The following NFIL3 variants were observed in gnomAD, a reference collection of about 807,000 sequenced individuals.
NFIL3 encodes nuclear factor interleukin-3-regulated protein.
A neutral mutation model predicts 10.0 loss-of-function variants in NFIL3; 5 were observed. The observed-to-expected ratio is 0.50, with a 90% CI of 0.26 to 1.06. The LOEUF (loss-of-function observed/expected upper bound fraction) is 1.06. Among genes scored for constraint, NFIL3 ranks in the 50% least tolerant of loss-of-function variants. The pLI, the probability that NFIL3 is intolerant of heterozygous loss-of-function variation, is 0.13. For synonymous variants in NFIL3, 202 were observed against 206.5 expected, an observed-to-expected ratio of 0.98 and a Z score of 0.19; for missense variants, 436 against 547.6, an observed-to-expected ratio of 0.80 and a Z score of 2.03.
At chr9:91,427,510 T>C (rs1833883972), upstream of NFIL3, among the ~76,000 whole-genome samples, 1 of 152,232 alleles carries the variant, frequency 6.6e-6, no homozygotes, top group Non-Finnish European at 1.5e-5. Context: ...GGCTCCTGTG[T>C]GCCAGGACCA....
chr9:91,430,672 G>A, the NFIL3 span, among the ~76,000 whole-genome samples: 121 of 152,182 alleles, frequency 8.0e-4, no homozygotes, highest in African/African-American at 2.8e-3. Flanking sequence ...TTGGTACAGG[G>A]TCTTGCTCTG....
chr9:91,471,177 G>A, the NFIL3 span, among the ~76,000 whole-genome samples: 1 of 152,134 alleles, frequency 6.6e-6, no homozygotes, highest in Non-Finnish European at 1.5e-5. Context: ...CGGTCTCTAA[G>A]GACTTGCCTT....
the NFIL3 span, among the ~76,000 whole-genome samples, chr9:91,478,185 A>C: frequency 6.6e-6 from 1 of 151,982 alleles, no homozygotes; most frequent in African/African-American, 2.4e-5. Flanking sequence ...CCTGAATCTG[A>C]ATGTTGGCCT....
intron 1 of NFIL3, among the ~76,000 whole-genome samples, chr9:91,412,627 T>C (rs1166227183): frequency 6.6e-6 from 1 of 152,258 alleles, no homozygotes; most frequent in East Asian, 1.9e-4. Context: ...GCGGATCACC[T>C]GAGGTCAGGA....
In NFIL3 at chr9:91,409,377, G is replaced by T; in HGVS notation, c.1358C>A (p.Thr453Lys). The change falls in exon 2 of 2, where the codon ACA (threonine) becomes AAA (lysine). Residue 453 changes from threonine (T) to lysine (K), a missense_variant. Physicochemically the swap from Thr to Lys is moderately conservative, Grantham distance 78. Coordinates refer to ENST00000297689, the MANE Select transcript of NFIL3 (RefSeq NM_005384.3). The part of the protein sequence containing the change: ...EVVSLKRLIA[T>K]QPISASDSG The stretch of plus-strand genomic sequence containing the variant: ...AGAGTCTGAAGCAGAGATTGGTTGT[G>T]TGGCTATAAGTCTCTTGAGTGAGAC... 6.3e-7 allele frequency: 1 copy of T among 1,589,706 alleles called. No individual in the cohort carries two copies. Among genetic ancestry groups the T allele is most frequent in the Non-Finnish European group, 8.6e-7 (1 of 1,169,254 alleles).
Position 91,421,939 on chromosome 9 carries a change from T to C in NFIL3, c.-173+1701A>G, listed in dbSNP as rs1463449058. On this transcript the variant is annotated intron_variant, in intron 1 of 1. Transcript: ENST00000297689. ...AAATTTAATATTTGGGTAAATTACATATTCACACATCTTCACATAAGTAAA... is the reference window on the plus strand; with the variant it reads ...AAATTTAATATTTGGGTAAATTACACATTCACACATCTTCACATAAGTAAA... Among the ~76,000 whole-genome samples, 4 of 152,210 alleles carry C rather than the reference T, an allele frequency of 2.6e-5. No individual in the cohort carries two copies. The East Asian group carries it at 7.7e-4, about 29-fold the overall frequency.
chr9:91,422,236 T>TA (rs1157729060), intron 1 of NFIL3, among the ~76,000 whole-genome samples: 1 of 152,056 alleles, frequency 6.6e-6, no homozygotes, highest in Non-Finnish European at 1.5e-5. Flanking sequence ...TTATCAAAGG[T>TA]CTCCGAAGGC....
At chr9:91,423,951 C>T (rs1833826150), upstream of NFIL3, 1 of 145,192 alleles carries the variant, frequency 6.9e-6, no homozygotes, top group South Asian at 2.1e-4. Flanking sequence ...TGGCCGCGGC[C>T]GGCAGGGGCG....
chr9:91,466,596 T>C, the NFIL3 span, among the ~76,000 whole-genome samples: 1,162 of 152,314 alleles, frequency 7.6e-3, 17 homozygotes, highest in African/African-American at 0.027. Context: ...TATTTCATAA[T>C]ACTTAAGTTG....
chr9:91,478,458 G>C, the NFIL3 span, among the ~76,000 whole-genome samples: 1 of 151,576 alleles, frequency 6.6e-6, no homozygotes, highest in South Asian at 2.1e-4. Context: ...TGGTACTTGT[G>C]TATGCTTCAT....
At chr9:91,441,543 A>G in the NFIL3 span, among the ~76,000 whole-genome samples, 75 of 151,976 alleles carry the variant, frequency 4.9e-4, no homozygotes, top group Non-Finnish European at 9.4e-4. Flanking sequence ...TACTACTGCC[A>G]TTTTGTTATT....
the NFIL3 span, among the ~76,000 whole-genome samples, chr9:91,432,735 A>G: frequency 7.2e-5 from 11 of 152,180 alleles, no homozygotes; most frequent in South Asian, 2.1e-3. Flanking sequence ...TGATTTGTAA[A>G]GCATTAGTGT....
At chr9:91,478,250 G>A in the NFIL3 span, among the ~76,000 whole-genome samples, 6 of 152,078 alleles carry the variant, frequency 3.9e-5, no homozygotes, top group South Asian at 1.0e-3. Flanking sequence ...GTGTTTTCCA[G>A]CTTGGTTCCA....
the NFIL3 span, among the ~76,000 whole-genome samples, chr9:91,467,680 TC>T: frequency 3.5e-5 from 5 of 143,462 alleles, no homozygotes; most frequent in East Asian, 9.3e-4. Context: ...ATGCTATCCC[TC>T]CCCCCAACCC....
the NFIL3 span, among the ~76,000 whole-genome samples, chr9:91,470,581 C>T: frequency 6.6e-6 from 1 of 151,918 alleles, no homozygotes; most frequent in Admixed American, 6.6e-5. Flanking sequence ...TTTGTTTGCC[C>T]TTGCTTCTCT....
At chr9:91,464,491 T>C in the NFIL3 span, among the ~76,000 whole-genome samples, 1 of 152,146 alleles carries the variant, frequency 6.6e-6, no homozygotes, top group East Asian at 1.9e-4. Context: ...TTTATACATA[T>C]GCCATAATAG....
chr9:91,439,085 T>C, the NFIL3 span, among the ~76,000 whole-genome samples: 1 of 152,184 alleles, frequency 6.6e-6, no homozygotes, highest in Non-Finnish European at 1.5e-5. Context: ...AGGGATTGCA[T>C]TGAATCTGTA....
At chr9:91,471,351 T>G in the NFIL3 span, among the ~76,000 whole-genome samples, 4 of 151,940 alleles carry the variant, frequency 2.6e-5, no homozygotes, top group African/African-American at 4.8e-5. Flanking sequence ...TTTTTTTTTT[T>G]GTTTTCCATT....
chr9:91,435,577 T>G, the NFIL3 span, among the ~76,000 whole-genome samples: 2 of 152,154 alleles, frequency 1.3e-5, no homozygotes, highest in East Asian at 3.9e-4. Flanking sequence ...TGGCTCCGTT[T>G]GGCACTGAAT....
Sources: allele counts gnomAD v4.1 joint callset (sites outside exome capture counted in the v4.1 genomes callset), GRCh38; gene constraint gnomAD v4.1.1; transcripts MANE v1.5; gene names NCBI Gene and HGNC (gene_info 2026-07-23, HGNC 2026-07-21).